Variants in STXBP5L observed in about 807,000 individuals in gnomAD.
STXBP5L encodes syntaxin binding protein 5L.
STXBP5L carries 65 observed loss-of-function variants against 144.5 expected under a neutral mutation model. That is an observed-to-expected ratio of 0.45 (90% CI 0.37 to 0.55). STXBP5L has a LOEUF of 0.55. Ranked by LOEUF, STXBP5L falls within the 20% of genes least tolerant of loss-of-function variation. The pLI is 0.00. For synonymous variants in STXBP5L, 505 were observed against 469.6 expected (o/e 1.08, Z -0.97); for missense variants, 1,298 against 1,405.5 (o/e 0.92, Z 1.22).
rs148817088 is a variant in STXBP5L, at chr3:121,267,888, A to T, written c.1958+8720A>T. 5.2e-3 allele frequency among the ~76,000 whole-genome samples: 799 copies of T among 152,340 alleles called. 3 individuals carry two copies. Among genetic ancestry groups the T allele is most frequent in the African/African-American group, 0.019 (771 of 41,578 alleles). On this transcript the variant is annotated intron_variant, in intron 18 of 26. Coordinates refer to ENST00000471454, the MANE Select transcript of STXBP5L (RefSeq NM_001308330.2). The stretch of plus-strand genomic sequence containing the variant: ...TCTCACGCCAGTTAGAATGGTGATT[A>T]TTAAAAAGTCAGGAAACAACAGATG...
chr3:121,133,676 AT>A (rs1277738335), intron 7 of STXBP5L, among the ~76,000 whole-genome samples: 2 of 152,242 alleles, frequency 1.3e-5, no homozygotes, highest in African/African-American at 2.4e-5. Flanking sequence ...TAGCTGTTGT[AT>A]TAGTCCATTC....
chr3:120,996,287 A>C (rs1943340464), intron 3 of STXBP5L, among the ~76,000 whole-genome samples: 1 of 151,942 alleles, frequency 6.6e-6, no homozygotes, highest in South Asian at 2.1e-4. Flanking sequence ...ATAAGTTTAC[A>C]TTTTCAATAA....
rs116570957 is a variant in STXBP5L at position 121,049,795 on chromosome 3, C to T, written c.470+4260C>T. 8.2e-3 allele frequency: 1,264 copies of T among 154,318 alleles called. 22 individuals carry two copies. Among genetic ancestry groups the T allele is most frequent in the African/African-American group, 0.028 (1,175 of 41,620 alleles). The allele number at this position is 154,318 out of a possible 1,614,324, so 9.6% of individuals were successfully genotyped here. A position where few individuals can be genotyped will look rare whatever the true frequency, so the allele number is the denominator to read the frequency against. ...CTGGCCTCCTCCATTGCTAGAGCTG[C>T]ATCTGCTGGTGTTGAGGTGCCTGGG... On this transcript the variant is annotated intron_variant, in intron 5 of 26. Coordinates refer to ENST00000471454, the MANE Select transcript of STXBP5L (RefSeq NM_001308330.2).
chr3:120,969,073 G>C (rs1206875388), intron 3 of STXBP5L, among the ~76,000 whole-genome samples: 1 of 152,052 alleles, frequency 6.6e-6, no homozygotes, highest in African/African-American at 2.4e-5. Flanking sequence ...GGGATTGCTA[G>C]ATCAAATGGT....
chr3:121,040,192 A>G (rs893176910), intron 3 of STXBP5L, among the ~76,000 whole-genome samples: 1 of 151,896 alleles, frequency 6.6e-6, no homozygotes, highest in Middle Eastern at 3.4e-3. Context: ...TACGTTTTTG[A>G]GTGCTAAAGG....
In STXBP5L at chr3:121,322,595, G is replaced by A. The variant is rs145843633; in HGVS notation, c.2176+4055G>A. 1.4e-4 allele frequency among the ~76,000 whole-genome samples: 21 copies of A among 148,216 alleles called. No homozygotes were observed. The East Asian group carries it at 2.4e-3, about 17-fold the overall frequency. On this transcript the variant is annotated intron_variant, in intron 20 of 26. Coordinates refer to ENST00000471454, the MANE Select transcript of STXBP5L (RefSeq NM_001308330.2). ...TTGATGGGCACCTGGTTAATTCCAC[G>A]TCTTTTCTATTGTGTATAGTGTTGC...
intron 19 of STXBP5L, among the ~76,000 whole-genome samples, chr3:121,317,663 A>G (rs762873261): frequency 5.9e-5 from 9 of 152,172 alleles, no homozygotes; most frequent in Admixed American, 1.3e-4. Flanking sequence ...GAAAAACCAT[A>G]ATGAAGAATA....
intron 5 of STXBP5L, among the ~76,000 whole-genome samples, chr3:121,083,829 T>C (rs1190027624): frequency 1.3e-5 from 2 of 152,184 alleles, no homozygotes; most frequent in Non-Finnish European, 2.9e-5. Context: ...GTTATTGTGC[T>C]AGTTTACAGT....
chr3:121,057,230 G>T (rs1232729084), intron 5 of STXBP5L, among the ~76,000 whole-genome samples: 2 of 151,766 alleles, frequency 1.3e-5, no homozygotes, highest in African/African-American at 4.8e-5. Context: ...CAAAAAACAG[G>T]CAAAATTAAT....
chr3:121,239,220 C>T, intron 13 of STXBP5L, 102 bp downstream of exon 13: 2 of 625,776 alleles, frequency 3.2e-6, no homozygotes, highest in South Asian at 3.7e-5. Context: ...GAGGACTTAA[C>T]TAAATTCTTT....
chr3:121,378,907 T>G, intron 21 of STXBP5L, 21 bp downstream of exon 21: 1 of 1,598,056 alleles, frequency 6.3e-7, no homozygotes, highest in Non-Finnish European at 8.5e-7. Context: ...CATATTAAAT[T>G]TTTTTGTTAC....
At chr3:121,278,312 G>A (rs2050947054) in intron 18 of STXBP5L, among the ~76,000 whole-genome samples, 1 of 151,856 alleles carries the variant, frequency 6.6e-6, no homozygotes, top group African/African-American at 2.4e-5. Context: ...ATTTAAAATA[G>A]GAGATTAAAT....
At chr3:121,204,143 G>A (rs533514040) in intron 9 of STXBP5L, among the ~76,000 whole-genome samples, 3 of 152,198 alleles carry the variant, frequency 2.0e-5, no homozygotes, top group African/African-American at 4.8e-5. Flanking sequence ...GGAGGCTGAG[G>A]CAGGAGAATC....
At chr3:121,409,219 G>A (rs1222890688) in intron 23 of STXBP5L, among the ~76,000 whole-genome samples, 2 of 151,846 alleles carry the variant, frequency 1.3e-5, no homozygotes, top group African/African-American at 2.4e-5. Context: ...AAACTTGGGG[G>A]TATTCTACGT....
intron 5 of STXBP5L, among the ~76,000 whole-genome samples, chr3:121,049,366 G>A (rs1439565751): frequency 3.3e-5 from 5 of 152,104 alleles, no homozygotes; most frequent in African/African-American, 1.2e-4. Context: ...GGTGGTTGAG[G>A]TTCTAGGTCA....
chr3:121,075,688 A>G (rs771845045), intron 5 of STXBP5L, among the ~76,000 whole-genome samples: 3 of 152,020 alleles, frequency 2.0e-5, no homozygotes, highest in Non-Finnish European at 4.4e-5. Flanking sequence ...GCTCTGGTGG[A>G]CCTCTGAGAC....
chr3:121,067,594 G>A (rs922314300), intron 5 of STXBP5L, among the ~76,000 whole-genome samples: 5 of 152,040 alleles, frequency 3.3e-5, no homozygotes, highest in Non-Finnish European at 7.4e-5. Flanking sequence ...CTGTTACTAG[G>A]TTCAATGTAC....
intron 20 of STXBP5L, among the ~76,000 whole-genome samples, chr3:121,350,165 A>G (rs943281885): frequency 6.6e-6 from 1 of 152,116 alleles, no homozygotes; most frequent in African/African-American, 2.4e-5. Context: ...TGGTGACAAA[A>G]TGTCTCAGCA....
intron 18 of STXBP5L, among the ~76,000 whole-genome samples, chr3:121,262,963 C>T (rs1040298386): frequency 6.6e-6 from 1 of 152,212 alleles, no homozygotes; most frequent in African/African-American, 2.4e-5. Flanking sequence ...AGCGCTTGAG[C>T]TCTGCTAAGG....
Sources: gnomAD v4.1 joint callset for allele counts (sites outside exome capture counted in the v4.1 genomes callset) on GRCh38, gnomAD v4.1.1 for gene constraint, MANE v1.5 for transcripts, NCBI Gene and HGNC (gene_info 2026-07-23, HGNC 2026-07-21) for gene names.